The following CDKL5 variants were observed in gnomAD, a reference collection of about 807,000 sequenced individuals.
CDKL5 encodes cyclin-dependent kinase-like 5.
CDKL5 carries 8 observed loss-of-function variants against 61.7 expected under a neutral mutation model. The observed-to-expected ratio is 0.13, with a 90% CI of 0.08 to 0.23. The LOEUF (loss-of-function observed/expected upper bound fraction) is 0.23. Among genes scored for constraint, CDKL5 ranks in the 10% least tolerant of loss-of-function variants. The pLI, the probability that CDKL5 is intolerant of heterozygous loss-of-function variation, is 1.00. For missense variants in CDKL5, 440 were observed against 734.5 expected (o/e 0.60, Z 4.63); for synonymous variants, 275 against 272.3 (o/e 1.01, Z -0.10).
chrX:18,544,427 A>G (rs1215812478), intron 3 of CDKL5, among the ~76,000 whole-genome samples: 1 of 112,249 alleles, frequency 8.9e-6, no homozygotes, highest in Admixed American at 9.5e-5. Flanking sequence ...TGTGTGTTCT[A>G]AGCATTTTAC....
At chrX:18,525,719 AACTGAC>A (rs1923410404) in intron 3 of CDKL5, among the ~76,000 whole-genome samples, 1 of 107,424 alleles carries the variant, frequency 9.3e-6, no homozygotes, top group Non-Finnish European at 1.9e-5. Flanking sequence ...AGTTGAGAAG[AACTGAC>A]ATCTTAACAA....
At chrX:18,527,029 C>T (rs1257432696) in intron 3 of CDKL5, among the ~76,000 whole-genome samples, 1 of 111,348 alleles carries the variant, frequency 9.0e-6, no homozygotes, top group South Asian at 3.7e-4. Context: ...GTGATCCGCC[C>T]GCCTCAGCCT....
At chrX:18,479,624 C>T (rs768172377) in intron 1 of CDKL5, among the ~76,000 whole-genome samples, 1 of 111,195 alleles carries the variant, frequency 9.0e-6, no homozygotes, top group South Asian at 3.7e-4. Flanking sequence ...CGGCCAGCCA[C>T]TATTTCTTAA....
chrX:18,442,344 G>C (rs971766239), intron 1 of CDKL5: 1 of 111,248 alleles, frequency 9.0e-6, no homozygotes, highest in African/African-American at 3.3e-5. Flanking sequence ...CGCATTTACT[G>C]ACTCTTCTAC....
At chrX:18,465,349 C>T (rs988586038) in intron 1 of CDKL5, among the ~76,000 whole-genome samples, 2 of 111,695 alleles carry the variant, frequency 1.8e-5, no homozygotes, top group African/African-American at 6.5e-5. Flanking sequence ...TTTGCCTTGG[C>T]TATTTGTATT....
chrX:18,505,458 A>C (rs1778410687), intron 1 of CDKL5, among the ~76,000 whole-genome samples: 1 of 112,837 alleles, frequency 8.9e-6, no homozygotes, highest in Admixed American at 9.4e-5. Context: ...GATGTAATCC[A>C]GGATCATGCA....
chrX:18,608,700 C>T (rs773761364), intron 12 of CDKL5, 111 bp from the exon 13 acceptor site: 1 of 534,898 alleles, frequency 1.9e-6, no homozygotes, highest in South Asian at 2.6e-5. Context: ...AGCCAACTAA[C>T]ATTTTTTATT....
intron 15 of CDKL5, among the ~76,000 whole-genome samples, chrX:18,615,904 T>C (rs1393121938): frequency 8.9e-6 from 1 of 112,430 alleles, no homozygotes; most frequent in African/African-American, 3.2e-5. Context: ...TCCAGAGCTG[T>C]TATTCTGGCC....
intron 6 of CDKL5, among the ~76,000 whole-genome samples, chrX:18,581,519 G>T (rs1373199717): frequency 9.0e-6 from 1 of 111,558 alleles, no homozygotes; most frequent in African/African-American, 3.2e-5. Flanking sequence ...TATCTTGTGG[G>T]TGTAAACATT....
In CDKL5 at chrX:18,629,703, C is replaced by G. The variant is rs920073080; in HGVS notation, c.*946C>G. ...CGAGATGCAGCATCTCTTTCCAAAC[C>G]TGCAGGGGAAGAAAGTCAGATAGGC... On this transcript the variant is annotated 3_prime_UTR_variant, in exon 18 of 18. Coordinates refer to ENST00000623535, the MANE Select transcript of CDKL5 (RefSeq NM_001323289.2). 7.2e-5 allele frequency: 54 copies of G among 752,072 alleles called. No individual in the cohort carries two copies. In the African/African-American group the frequency reaches 1.2e-3, roughly 17 times the overall value. 62.0% of individuals were successfully genotyped at this position (752,072 alleles called of 1,213,427 possible).
chrX:18,606,331 G>A (rs1179117734), intron 12 of CDKL5, among the ~76,000 whole-genome samples: 11 of 112,627 alleles, frequency 9.8e-5, no homozygotes, highest in Admixed American at 9.3e-5. Context: ...GGCAACTGAA[G>A]GTCTTTCTCT....
chrX:18,508,970 G>A lies in CDKL5; in HGVS notation c.64+1810G>A, dbSNP rs183347690. ...TAGCTGGGTGTGGTGGCGGGCGCCT[G>A]TAGTCCCAGCTACTCAGGAGGCTGA... On this transcript the variant is annotated intron_variant, in intron 2 of 17. Transcript: ENST00000623535. 4.3e-3 allele frequency among the ~76,000 whole-genome samples: 467 copies of A among 109,379 alleles called. 2 individuals are homozygous for A. Among genetic ancestry groups the A allele is most frequent in the Middle Eastern group, 0.041 (9 of 217 alleles). The allele number at this position is 109,379 out of a possible 115,157, so 95.0% of individuals were successfully genotyped here.
rs1056988388 is a variant in CDKL5 at position 18,631,053 on chromosome X, C to T, written c.*2296C>T. The T allele has an allele frequency of 8.0e-6, 6 of 749,145 alleles. No homozygotes were observed. In the African/African-American group the frequency reaches 1.4e-4, roughly 18 times the overall value. The allele number at this position is 749,145 out of a possible 1,213,427, so 61.7% of individuals were successfully genotyped here. ...GCTTAGGAACTGCACGGTCCCGTTG[C>T]CATGCTGTGGCATTCGAGGCTCGTC... On this transcript the variant is annotated 3_prime_UTR_variant, in exon 18 of 18. Coordinates refer to ENST00000623535, the MANE Select transcript of CDKL5 (RefSeq NM_001323289.2).
chrX:18,475,579 G>T (rs1330730911), intron 1 of CDKL5, among the ~76,000 whole-genome samples: 1 of 112,685 alleles, frequency 8.9e-6, no homozygotes, highest in Non-Finnish European at 1.9e-5. Context: ...TTACAGGCAT[G>T]AGCCACTGTA....
chrX:18,642,281 C>T (rs1284849198), downstream of CDKL5: 23 of 713,919 alleles, frequency 3.2e-5, no homozygotes, highest in Middle Eastern at 3.9e-4. Flanking sequence ...AAGCAGTTTG[C>T]GGGTGCCCCC....
In CDKL5 at chrX:18,427,975, A is replaced by C. The variant is rs774858064; in HGVS notation, c.-163+2280A>C. On this transcript the variant is annotated intron_variant, in intron 1 of 17. Coordinates refer to ENST00000623535, the MANE Select transcript of CDKL5 (RefSeq NM_001323289.2). ...TTTAAAAGGAAAGGCTCCCATTGAA[A>C]GAAATTGCAGGGCCGTCTCGCATAG... Among the ~76,000 whole-genome samples the C allele has an allele frequency of 4.2e-4, 47 of 112,001 alleles. No homozygotes were observed. In the South Asian group the frequency reaches 7.0e-3, roughly 17 times the overall value.
chrX:18,568,105 A>C (rs1226798829), intron 4 of CDKL5, among the ~76,000 whole-genome samples: 4 of 112,372 alleles, frequency 3.6e-5, no homozygotes, highest in Non-Finnish European at 7.5e-5. Context: ...ATGGTTTCTC[A>C]TGAACGCATA....
Position 18,431,870 on chromosome X carries a change from G to A in CDKL5, c.-163+6175G>A, listed in dbSNP as rs143962602. Among the ~76,000 whole-genome samples, 356 of 107,506 alleles carry A rather than the reference G, an allele frequency of 3.3e-3. 1 individual carries two copies. The highest frequency in any genetic ancestry group is 5.4e-3 in the Non-Finnish European group (280 of 52,258). The allele number at this position is 107,506 out of a possible 115,157, so 93.4% of individuals were successfully genotyped here. A position where few individuals can be genotyped will look rare whatever the true frequency, so the allele number is the denominator to read the frequency against. On this transcript the variant is annotated intron_variant, in intron 1 of 17. Coordinates refer to ENST00000623535, the MANE Select transcript of CDKL5 (RefSeq NM_001323289.2). Reference sequence around the variant, plus strand: ...CCATCACCCCCCAAAATTCTCTCCTGTCAATGAGTTTTTTTTAACCTTATT... The same window carrying A: ...CCATCACCCCCCAAAATTCTCTCCTATCAATGAGTTTTTTTTAACCTTATT...
At chrX:18,580,032 ATG>A in intron 6 of CDKL5, 64 bp downstream of exon 6, 1 of 936,170 alleles carries the variant, frequency 1.1e-6, no homozygotes, top group Middle Eastern at 2.7e-4. Flanking sequence ...AGTATTTCAC[ATG>A]TTACTGTCTT....
Sources: allele counts gnomAD v4.1 joint callset (sites outside exome capture counted in the v4.1 genomes callset), GRCh38; gene constraint gnomAD v4.1.1; transcripts MANE v1.5; gene names NCBI Gene and HGNC (gene_info 2026-07-23, HGNC 2026-07-21).